Variants in CORO7 observed in about 807,000 individuals in gnomAD.
The protein encoded by CORO7 is coronin 7, also known as coronin-7.
CORO7 carries 107 observed loss-of-function variants against 126.6 expected under a neutral mutation model. The observed-to-expected ratio is 0.85, with a 90% CI of 0.72 to 0.99. CORO7 has a LOEUF of 0.99. CORO7 is among the 50% of genes least tolerant of loss of function. CORO7 has a pLI of 0.00. For synonymous variants in CORO7, 603 were observed against 536.8 expected (o/e 1.12, Z -1.70); for missense variants, 1,314 against 1,255.8 (o/e 1.05, Z -0.70).
Position 4,398,214 on chromosome 16 carries a change from C to G in CORO7, c.565-2875G>C, listed in dbSNP as rs2055670269. ...GGATTACAGGTGTGAGCCACCAGGC[C>G]TGGTTTGAATATACATTTTAAAAAT... On this transcript the variant is annotated intron_variant, in intron 6 of 27. Transcript: ENST00000251166. Among the ~76,000 whole-genome samples, 3 of 152,284 alleles carry G rather than the reference C, an allele frequency of 2.0e-5. No homozygotes were observed. The South Asian group carries it at 6.2e-4, about 32-fold the overall frequency.
At chr16:4,386,361 C>G (rs2055194126) in intron 9 of CORO7, among the ~76,000 whole-genome samples, 1 of 152,184 alleles carries the variant, frequency 6.6e-6, no homozygotes, top group South Asian at 2.1e-4. Context: ...GGATGGGGAC[C>G]CTGTCACTGG....
chr16:4,380,270 G>C (rs893808983), intron 9 of CORO7, among the ~76,000 whole-genome samples: 5 of 152,096 alleles, frequency 3.3e-5, no homozygotes, highest in African/African-American at 1.2e-4. Flanking sequence ...GAACCTTCCC[G>C]CCGGCCACTT....
intron 6 of CORO7, among the ~76,000 whole-genome samples, chr16:4,404,810 C>G (rs991236034): frequency 6.6e-6 from 1 of 152,116 alleles, no homozygotes; most frequent in Non-Finnish European, 1.5e-5. Flanking sequence ...CACGCATCCC[C>G]CTGTAGACAC....
intron 9 of CORO7, among the ~76,000 whole-genome samples, chr16:4,380,451 A>G (rs1173056308): frequency 1.3e-5 from 2 of 152,224 alleles, no homozygotes; most frequent in Admixed American, 6.5e-5. Flanking sequence ...TTCTCTGCTT[A>G]CACACCCACC....
intron 6 of CORO7, among the ~76,000 whole-genome samples, chr16:4,403,863 T>G (rs573246622): frequency 6.6e-6 from 1 of 152,292 alleles, no homozygotes; most frequent in African/African-American, 2.4e-5. Context: ...CCCCTCTGCC[T>G]GGGACGCCCG....
At chr16:4,381,544 G>A (rs1245778469) in intron 9 of CORO7, 1 of 1,605,116 alleles carries the variant, frequency 6.2e-7, no homozygotes, top group Non-Finnish European at 8.5e-7. Flanking sequence ...CGACCTGGAT[G>A]TGTCCGACAA....
rs2054277618 is a variant in CORO7, at chr16:4,364,302, T to C, written c.1249A>G (p.Thr417Ala). The C allele has an allele frequency of 1.9e-6, 3 of 1,546,346 alleles. No homozygotes were observed. Among genetic ancestry groups the C allele is most frequent in the Admixed American group, 2.0e-5 (1 of 48,806 alleles). Residue 417 changes from threonine (T) to alanine (A), a missense_variant, in exon 14 of 28, where the codon ACA (threonine) becomes GCA (alanine). Thr to Ala is a moderately conservative substitution (Grantham distance 58). Coordinates refer to ENST00000251166, the MANE Select transcript of CORO7 (RefSeq NM_024535.5). ...CTTGCGTCTGCATCACCCACGGGTG[T>C]CTCCATCACCGCAGGCTGGGCTGTG... ...PDTAQPAVMETPVGDADASEG... is the reference protein window; with the variant it reads ...PDTAQPAVMEAPVGDADASEG...
rs757882813 is a variant in CORO7 at position 4,395,291 on chromosome 16, G to T, written c.613C>A (p.Gln205Lys). The change falls in exon 7 of 28, where the codon CAG becomes AAG. Residue 205 changes from glutamine to lysine, a missense_variant and splice_region_variant. Physicochemically the swap from Gln to Lys is moderately conservative, Grantham distance 53. Coordinates refer to ENST00000251166, the MANE Select transcript of CORO7 (RefSeq NM_024535.5). ...CCCAGCTTGCCCACACAACTCACCT[G>T]AGAGGCCCGCGGCTTTGTTCTGGGG... is the stretch of plus-strand genomic sequence containing the variant. The part of the protein sequence containing the change: ...FDPRTKPRAS[Q>K]STQAHENSRD... The T allele has an allele frequency of 2.5e-6, 4 of 1,613,972 alleles. No homozygotes were observed. The Admixed American group carries it at 5.0e-5, about 20-fold the overall frequency.
At chr16:4,385,993 C>G (rs1232207069) in intron 9 of CORO7, among the ~76,000 whole-genome samples, 1 of 152,238 alleles carries the variant, frequency 6.6e-6, no homozygotes, top group African/African-American at 2.4e-5. Context: ...CCTAGATTTG[C>G]TCAGAGGCCC....
At chr16:4,357,852 C>T in intron 25 of CORO7, 116 bp downstream of exon 25, 1 of 1,490,208 alleles carries the variant, frequency 6.7e-7, no homozygotes, top group Non-Finnish European at 8.9e-7. Flanking sequence ...CCACTCCACC[C>T]TCCCAAAGGC....
At chr16:4,361,683 C>G in intron 16 of CORO7, 1 of 794,306 alleles carries the variant, frequency 1.3e-6, no homozygotes, top group Non-Finnish European at 2.1e-6. Context: ...GCAGCGTGAA[C>G]TGGCGGGAAA....
At chr16:4,395,976 T>C (rs924478740) in intron 6 of CORO7, among the ~76,000 whole-genome samples, 2 of 9,166 alleles carry the variant, frequency 2.2e-4, no homozygotes, top group Admixed American at 1.8e-3. Flanking sequence ...TGTGGAACAA[T>C]GTGTGTGTGC....
chr16:4,388,522 C>T, intron 8 of CORO7, 23 bp downstream of exon 8: 2 of 1,607,156 alleles, frequency 1.2e-6, no homozygotes, highest in Non-Finnish European at 1.7e-6. Flanking sequence ...CCGTGCCCTG[C>T]TCCTCCAGGA....
At chr16:4,355,259 C>G in intron 27 of CORO7, 27 bp downstream of exon 27, 1 of 1,612,216 alleles carries the variant, frequency 6.2e-7, no homozygotes, top group Non-Finnish European at 8.5e-7. Context: ...CGCTGCCTGC[C>G]GGGAAGTGAG....
At chr16:4,382,027 G>A in intron 9 of CORO7, 1 of 1,601,918 alleles carries the variant, frequency 6.2e-7, no homozygotes, top group African/African-American at 1.3e-5. Context: ...TAGCCCCACA[G>A]AGCCGGCCAC....
intron 6 of CORO7, among the ~76,000 whole-genome samples, chr16:4,405,157 G>A (rs1374153595): frequency 2.6e-5 from 4 of 152,210 alleles, no homozygotes; most frequent in South Asian, 2.1e-4. Flanking sequence ...ACCTGCGGCC[G>A]AATGCTGCTT....
intron 23 of CORO7, chr16:4,358,814 C>T (rs780701136): frequency 6.1e-6 from 2 of 329,324 alleles, no homozygotes; most frequent in Non-Finnish European, 1.1e-5. Flanking sequence ...CATGTGACCT[C>T]AGCACAAATA....
chr16:4,360,809 G>T, intron 19 of CORO7, 134 bp downstream of exon 19: 2 of 1,475,642 alleles, frequency 1.4e-6, no homozygotes, highest in East Asian at 5.0e-5. Flanking sequence ...CTCACTGCTG[G>T]CCCCACCCCT....
chr16:4,367,480 C>T (rs2141204778), intron 9 of CORO7, among the ~76,000 whole-genome samples: 1 of 152,284 alleles, frequency 6.6e-6, no homozygotes, highest in South Asian at 2.1e-4. Context: ...TGCAACAGAC[C>T]CTGCCTCTGT....
Sources: allele counts gnomAD v4.1 joint callset (sites outside exome capture counted in the v4.1 genomes callset), GRCh38; gene constraint gnomAD v4.1.1; transcripts MANE v1.5; gene names NCBI Gene and HGNC (gene_info 2026-07-23, HGNC 2026-07-21).